Variants in C1orf105 observed in about 807,000 individuals in gnomAD.
The protein encoded by C1orf105 is chromosome 1 open reading frame 105, also known as uncharacterized protein C1orf105.
In C1orf105, 17 loss-of-function variants were observed where a neutral mutation model predicts 20.8. The ratio of observed to expected loss-of-function variants is 0.82; its 90% confidence interval spans 0.56 to 1.23. The LOEUF (loss-of-function observed/expected upper bound fraction) is 1.23, where lower values mean the gene tolerates loss of function less well. Ranked by LOEUF, C1orf105 falls within the 50% of genes most tolerant of loss-of-function variation. The pLI, the probability that C1orf105 is intolerant of heterozygous loss-of-function variation, is 0.00. For missense variants in C1orf105, 219 were observed against 213.5 expected (o/e 1.03, Z -0.16); for synonymous variants, 72 against 72.1 (o/e 1.00, Z 0.01).
rs1650115297 is a variant in C1orf105 at position 172,467,022 on chromosome 1, G to T, written c.407-1427G>T. 2.0e-5 allele frequency among the ~76,000 whole-genome samples: 3 copies of T among 152,248 alleles called. No individual in the cohort carries two copies. In the South Asian group the frequency reaches 6.2e-4, roughly 32 times the overall value. On this transcript the variant is annotated intron_variant, in intron 6 of 6. Transcript: ENST00000367727. Reference sequence around the variant, plus strand: ...TAGGAATCCTAGTCTTGCTATATAGGCTTGGCCTCTGTGTTCCCACCTGTA... The same window carrying T: ...TAGGAATCCTAGTCTTGCTATATAGTCTTGGCCTCTGTGTTCCCACCTGTA...
At chr1:172,461,275 A>G (rs1649672449) in intron 4 of C1orf105, among the ~76,000 whole-genome samples, 1 of 152,138 alleles carries the variant, frequency 6.6e-6, no homozygotes, top group Non-Finnish European at 1.5e-5. Flanking sequence ...CTTTGCATTC[A>G]GTTTTTTTGC....
intron 2 of C1orf105, 100 bp from the exon 3 acceptor site, chr1:172,448,341 C>A: frequency 1.3e-6 from 1 of 764,476 alleles, no homozygotes; most frequent in Non-Finnish European, 2.2e-6. Context: ...TGGAAGATAG[C>A]TCCCTGTGGT....
intron 3 of C1orf105, among the ~76,000 whole-genome samples, chr1:172,454,822 A>G (rs1649059917): frequency 1.3e-5 from 2 of 152,118 alleles, no homozygotes; most frequent in South Asian, 4.1e-4. Context: ...CTTCAACACC[A>G]TCATACTTCT....
intron 6 of C1orf105, among the ~76,000 whole-genome samples, 162 bp from the exon 7 acceptor site, chr1:172,468,287 G>A (rs1420132379): frequency 6.6e-6 from 1 of 152,100 alleles, no homozygotes; most frequent in East Asian, 1.9e-4. Context: ...ATTTTCTTAA[G>A]AAAAAATAAA....
chr1:172,453,264 C>T lies in C1orf105; in HGVS notation c.199-3151C>T, dbSNP rs1014858514. On this transcript the variant is annotated intron_variant, in intron 3 of 6. Coordinates refer to ENST00000367727, the MANE Select transcript of C1orf105 (RefSeq NM_139240.4). ...TGTAAAGGGACAGGATTAGAGCATCCGCCTCTGTCTTTTTGAACACAAAGA... is the reference window on the plus strand; with the variant it reads ...TGTAAAGGGACAGGATTAGAGCATCTGCCTCTGTCTTTTTGAACACAAAGA... The T allele has an allele frequency of 2.3e-5, 34 of 1,448,662 alleles. No individual in the cohort carries two copies. The South Asian group carries it at 3.2e-4, about 14-fold the overall frequency. The allele number at this position is 1,448,662 out of a possible 1,614,324, so 89.7% of individuals were successfully genotyped here.
chr1:172,452,604 GTT>G (rs1648774716), intron 3 of C1orf105, among the ~76,000 whole-genome samples: 1 of 152,072 alleles, frequency 6.6e-6, no homozygotes, highest in Non-Finnish European at 1.5e-5. Context: ...TTTACCAAGG[GTT>G]CAAGAAGGCC....
At chr1:172,456,340 A>T in intron 3 of C1orf105, 75 bp from the exon 4 acceptor site, 1 of 1,282,486 alleles carries the variant, frequency 7.8e-7, no homozygotes, top group Non-Finnish European at 1.1e-6. Flanking sequence ...TCACCCCTCC[A>T]CTGCTTTCCT....
At chr1:172,448,589 A>T in intron 3 of C1orf105, 58 bp downstream of exon 3, 1 of 944,118 alleles carries the variant, frequency 1.1e-6, no homozygotes, top group Non-Finnish European at 1.7e-6. Flanking sequence ...GACATAGAAT[A>T]TGAATACATG....
rs1384867125 is a variant in C1orf105, at chr1:172,432,381, C to G, written c.21+11475C>G. 5.9e-5 allele frequency among the ~76,000 whole-genome samples: 9 copies of G among 152,216 alleles called. 1 individual carries two copies. In the South Asian group the frequency reaches 1.7e-3, roughly 28 times the overall value. On this transcript the variant is annotated intron_variant, in intron 1 of 6. Coordinates refer to ENST00000367727, the MANE Select transcript of C1orf105 (RefSeq NM_139240.4). ...CATACAGGTGGGTGCCTCTCTGGGA[C>G]GAAGATTCCAGAGGAAGGATCAGGC...
chr1:172,433,606 C>T lies in C1orf105; in HGVS notation c.22-11467C>T, dbSNP rs552507355. ...CTTACAAGAGCTGCTGAAGGAAGCA[C>T]TAAACATGGGAAGGAACAACTGGTA... On this transcript the variant is annotated intron_variant, in intron 1 of 6. Transcript: ENST00000367727. Among the ~76,000 whole-genome samples the T allele has an allele frequency of 2.2e-3, 329 of 152,226 alleles. 1 individual carries two copies. The highest frequency in any genetic ancestry group is 7.3e-3 in the African/African-American group (302 of 41,522).
chr1:172,442,692 T>C, intron 1 of C1orf105: 1 of 1,367,390 alleles, frequency 7.3e-7, no homozygotes. Context: ...TCTTGTTCTT[T>C]ATGAAGTTTT....
intron 2 of C1orf105, 54 bp from the exon 3 acceptor site, chr1:172,448,386 TG>T: frequency 8.3e-7 from 1 of 1,201,080 alleles, no homozygotes; most frequent in Non-Finnish European, 1.2e-6. Flanking sequence ...ACCAAGGGCC[TG>T]GCTCTTCAAA....
chr1:172,452,242 C>T (rs545041113), intron 3 of C1orf105, among the ~76,000 whole-genome samples: 41 of 152,260 alleles, frequency 2.7e-4, no homozygotes, highest in African/African-American at 7.2e-4. Context: ...ACTTTCTAGC[C>T]GACTGAAGTT....
intron 2 of C1orf105, 95 bp from the exon 3 acceptor site, chr1:172,448,346 T>A: frequency 1.3e-6 from 1 of 792,728 alleles, no homozygotes; most frequent in Admixed American, 2.2e-5. Flanking sequence ...GATAGCTCCC[T>A]GTGGTGTCCC....
intron 5 of C1orf105, among the ~76,000 whole-genome samples, chr1:172,462,983 G>T (rs1427915427): frequency 6.6e-6 from 1 of 151,844 alleles, no homozygotes; most frequent in Non-Finnish European, 1.5e-5. Flanking sequence ...CACCATGTTG[G>T]CCAGGCTGGT....
In C1orf105 at chr1:172,420,794, C is replaced by A; in HGVS notation, c.-92C>A. On this transcript the variant is annotated 5_prime_UTR_variant, in exon 1 of 7. Transcript: ENST00000367727. ...ACAAAAAACACTTTGGATTCAGGTT[C>A]TCCACAGCAGTCTTCCACTGGCCAC... The A allele has an allele frequency of 7.6e-7, 1 of 1,313,768 alleles. No individual in the cohort carries two copies. Among genetic ancestry groups the A allele is most frequent in the Non-Finnish European group, 1.1e-6 (1 of 922,546 alleles). The allele number at this position is 1,313,768 out of a possible 1,614,324, so 81.4% of individuals were successfully genotyped here. A position where few individuals can be genotyped will look rare whatever the true frequency, so the allele number is the denominator to read the frequency against.
Position 172,420,882 on chromosome 1 carries a change from A to G in C1orf105, c.-4A>G. 1.2e-6 allele frequency: 2 copies of G among 1,611,944 alleles called. No individual in the cohort carries two copies. Among genetic ancestry groups the G allele is most frequent in the Non-Finnish European group, 1.7e-6 (2 of 1,178,254 alleles). On this transcript the variant is annotated 5_prime_UTR_variant, in exon 1 of 7. Coordinates refer to ENST00000367727, the MANE Select transcript of C1orf105 (RefSeq NM_139240.4). ...AAAACTCAGAACATCTAAAGATCTGAAAGATGGAAAAAAGAGAACTAAAGG... is the reference window on the plus strand; with the variant it reads ...AAAACTCAGAACATCTAAAGATCTGGAAGATGGAAAAAAGAGAACTAAAGG...
chr1:172,455,689 T>C (rs1264746598), intron 3 of C1orf105, among the ~76,000 whole-genome samples: 3 of 152,170 alleles, frequency 2.0e-5, no homozygotes, highest in Non-Finnish European at 4.4e-5. Flanking sequence ...AAACCAGTGG[T>C]TACAGTGAGC....
chr1:172,422,254 G>T (rs4417110), intron 1 of C1orf105, among the ~76,000 whole-genome samples: 3,069 of 152,292 alleles, frequency 0.02, 99 homozygotes, highest in African/African-American at 0.07. Flanking sequence ...GAAGAGGGAA[G>T]AGTGAAAAGG....
Sources: gnomAD v4.1 joint callset for allele counts (sites outside exome capture counted in the v4.1 genomes callset) on GRCh38, gnomAD v4.1.1 for gene constraint, MANE v1.5 for transcripts, NCBI Gene and HGNC (gene_info 2026-07-23, HGNC 2026-07-21) for gene names.